The following CWF19L2 variants were observed in gnomAD, a reference collection of about 807,000 sequenced individuals.
CWF19L2 encodes the protein CWF19 like cell cycle control factor 2.
CWF19L2 carries 98 observed loss-of-function variants against 111.7 expected under a neutral mutation model. The observed-to-expected ratio is 0.88, with a 90% CI of 0.75 to 1.04. The LOEUF (loss-of-function observed/expected upper bound fraction) is 1.04. Ranked by LOEUF, CWF19L2 falls within the 50% of genes least tolerant of loss-of-function variation. The pLI is 0.00. For missense variants in CWF19L2, 1,101 were observed against 1,051.4 expected (o/e 1.05, Z -0.65); for synonymous variants, 351 against 342.9 (o/e 1.02, Z -0.26).
chr11:107,447,750 A>C (rs1210247011), intron 3 of CWF19L2, among the ~76,000 whole-genome samples: 1 of 152,222 alleles, frequency 6.6e-6, no homozygotes, highest in Non-Finnish European at 1.5e-5. Context: ...CATAGGGTTC[A>C]GCATCCAATT....
At chr11:107,404,300 C>G (rs1203485310) in intron 10 of CWF19L2, 2 of 784,736 alleles carry the variant, frequency 2.5e-6, no homozygotes, top group Non-Finnish European at 4.7e-6. Flanking sequence ...AATAATCTTG[C>G]CAGTCTCCCA....
At chr11:107,390,292 T>C (rs1860829375) in intron 11 of CWF19L2, 81 bp from the exon 12 acceptor site, 6 of 1,129,316 alleles carry the variant, frequency 5.3e-6, no homozygotes, top group Non-Finnish European at 7.4e-6. Flanking sequence ...AAATATCTGA[T>C]GTTAAATGTA....
At chr11:107,396,608 C>T (rs1349094098) in intron 10 of CWF19L2, among the ~76,000 whole-genome samples, 1 of 152,132 alleles carries the variant, frequency 6.6e-6, no homozygotes, top group South Asian at 2.1e-4. Flanking sequence ...AAATTTCTCC[C>T]ACAAGTGCAT....
At chr11:107,344,890 T>C (rs1267728289) in intron 14 of CWF19L2, among the ~76,000 whole-genome samples, 2 of 152,160 alleles carry the variant, frequency 1.3e-5, no homozygotes, top group East Asian at 3.9e-4. Context: ...ATTACTGCCA[T>C]ATGGGGATAG....
chr11:107,440,381 C>T (rs529341), intron 5 of CWF19L2, among the ~76,000 whole-genome samples: 26,005 of 151,882 alleles, frequency 0.17, 2,415 homozygotes, highest in Middle Eastern at 0.27. Flanking sequence ...CATGAGCTGA[C>T]GAAAAAGAAC....
intron 14 of CWF19L2, among the ~76,000 whole-genome samples, chr11:107,337,341 TATA>T (rs142872918): frequency 0.051 from 7,803 of 151,624 alleles, 343 homozygotes; most frequent in East Asian, 0.21. Context: ...TACACACAAA[TATA>T]ATCAGTTGTG....
intron 6 of CWF19L2, among the ~76,000 whole-genome samples, chr11:107,434,190 A>G (rs1337357106): frequency 6.6e-6 from 1 of 151,846 alleles, no homozygotes; most frequent in Non-Finnish European, 1.5e-5. Context: ...GAAATAATTA[A>G]GGAATAAAAG....
At chr11:107,404,627 T>G (rs1413594396) in intron 10 of CWF19L2, 2 of 531,502 alleles carry the variant, frequency 3.8e-6, no homozygotes, top group Non-Finnish European at 7.0e-6. Flanking sequence ...CGCTTCCCTT[T>G]GTCCCACGCT....
At position 107,442,963 on chromosome 11, in the gene CWF19L2, T is replaced by C; in HGVS notation, c.426A>G (p.Gly142=). Residue 142 remains glycine (G), a synonymous_variant, in exon 4 of 18, where the codon GGA becomes GGG. Transcript: ENST00000282251. ...KAWKVKDEKS[G]KDDTQIIKRD... is the part of the protein sequence containing the mutation. ...CCTTGATAATTTGGGTGTCATCTTT[T>C]CCTGACTTTTCATCTTTCACTTTCC... is the stretch of plus-strand genomic sequence containing the variant. 6.4e-7 allele frequency: 1 copy of C among 1,551,152 alleles called. No individual in the cohort carries two copies.
At chr11:107,361,488 A>G (rs1860335682) in intron 12 of CWF19L2, among the ~76,000 whole-genome samples, 1 of 151,966 alleles carries the variant, frequency 6.6e-6, no homozygotes, top group Non-Finnish European at 1.5e-5. Context: ...GAATTTTAAT[A>G]TTGTTTGTTC....
intron 12 of CWF19L2, among the ~76,000 whole-genome samples, chr11:107,355,271 C>T (rs1172732937): frequency 2.6e-5 from 4 of 151,774 alleles, no homozygotes; most frequent in South Asian, 2.1e-4. Flanking sequence ...CAAAAGTAGC[C>T]GGGCGTGGTG....
chr11:107,406,990 C>G (rs1479340495), intron 10 of CWF19L2, among the ~76,000 whole-genome samples: 1 of 151,778 alleles, frequency 6.6e-6, no homozygotes, highest in Non-Finnish European at 1.5e-5. Context: ...TAGACAAGAC[C>G]ATAATAAATA....
chr11:107,377,950 G>A (rs1471472296), intron 12 of CWF19L2, among the ~76,000 whole-genome samples: 5 of 151,800 alleles, frequency 3.3e-5, no homozygotes, highest in African/African-American at 1.2e-4. Flanking sequence ...TCAACAAGTG[G>A]GCGGAGGATA....
intron 1 of CWF19L2, among the ~76,000 whole-genome samples, chr11:107,455,981 T>C (rs781549595): frequency 4.6e-5 from 7 of 152,224 alleles, no homozygotes; most frequent in Admixed American, 3.9e-4. Context: ...TCTCTCCTTC[T>C]GCATTTCCAA....
rs1438743996 is a variant in CWF19L2, at chr11:107,372,114, G to A, written c.1872+17960C>T. On this transcript the variant is annotated intron_variant, in intron 12 of 17. Transcript: ENST00000282251. ...TCCAGAAAACAAATATTTATTGAATGCTATTATGTGTTAGTGACTATACTA... is the reference window on the plus strand; with the variant it reads ...TCCAGAAAACAAATATTTATTGAATACTATTATGTGTTAGTGACTATACTA... Among the ~76,000 whole-genome samples, 3 of 134,778 alleles carry A rather than the reference G, an allele frequency of 2.2e-5. 1 individual carries two copies. The highest frequency in any genetic ancestry group is 1.5e-4 in the Admixed American group (2 of 13,608). The allele number at this position is 134,778 out of a possible 152,430, so 88.4% of individuals were successfully genotyped here.
chr11:107,371,790 G>A lies in CWF19L2; in HGVS notation c.1873-18054C>T. ...ATTTCTCCGCAGCTCGGTCATTGCT[G>A]TCACCATTCTGACATTCTTAAAAAG... is the stretch of plus-strand genomic sequence containing the variant. On this transcript the variant is annotated intron_variant, in intron 12 of 17. Coordinates refer to ENST00000282251, the MANE Select transcript of CWF19L2 (RefSeq NM_152434.3). Among the ~76,000 whole-genome samples, 2 of 136,712 alleles carry A rather than the reference G, an allele frequency of 1.5e-5. 1 individual carries two copies. The highest frequency in any genetic ancestry group is 3.1e-5 in the Non-Finnish European group (2 of 64,090). 89.7% of individuals were successfully genotyped at this position (136,712 alleles called of 152,430 possible). A position where few individuals can be genotyped will look rare whatever the true frequency, so the allele number is the denominator to read the frequency against.
intron 7 of CWF19L2, among the ~76,000 whole-genome samples, chr11:107,430,634 T>C (rs1861452721): frequency 6.6e-6 from 1 of 152,144 alleles, no homozygotes; most frequent in South Asian, 2.1e-4. Context: ...ATAACTGTTC[T>C]TGTAGTTGCA....
chr11:107,326,933 A>T lies in CWF19L2; in HGVS notation c.2662T>A (p.Phe888Ile). The T allele has an allele frequency of 1.2e-6, 2 of 1,600,572 alleles. No homozygotes were observed. The highest frequency in any genetic ancestry group is 8.5e-7 in the Non-Finnish European group (1 of 1,175,240). ...QFAQWWKPYD[F>I]TKSKNY ...CCTCAATAGTTTTTACTTTTGGTGA[A>T]GTCATATGGTTTCCACCACTGAGCA... The change falls in exon 18 of 18, where the codon TTC (phenylalanine) becomes ATC (isoleucine). Residue 888 changes from phenylalanine (F) to isoleucine (I), a missense_variant. By Grantham distance (21) the Phe-to-Ile change is conservative. Coordinates refer to ENST00000282251, the MANE Select transcript of CWF19L2 (RefSeq NM_152434.3).
chr11:107,361,912 C>T (rs1211135512), intron 12 of CWF19L2, among the ~76,000 whole-genome samples: 1 of 152,128 alleles, frequency 6.6e-6, no homozygotes, highest in Non-Finnish European at 1.5e-5. Flanking sequence ...ATCTGAGGTA[C>T]CGGGTTCATC....
Sources: gnomAD v4.1 joint callset for allele counts (sites outside exome capture counted in the v4.1 genomes callset) on GRCh38, gnomAD v4.1.1 for gene constraint, MANE v1.5 for transcripts, NCBI Gene and HGNC (gene_info 2026-07-23, HGNC 2026-07-21) for gene names.